The following TNFSF8 variants were observed in gnomAD, a reference collection of about 807,000 sequenced individuals.
The protein encoded by TNFSF8 is TNF superfamily member 8.
In TNFSF8, 4 loss-of-function variants were observed where a neutral mutation model predicts 22.0. That is an observed-to-expected ratio of 0.18 (90% confidence interval 0.09 to 0.42). The LOEUF is 0.42. TNFSF8 is among the 10% of genes least tolerant of loss of function. The probability of loss-of-function intolerance (pLI) is 1.00; values close to 1 mark genes in which losing one functional copy is unlikely to be tolerated. For synonymous variants in TNFSF8, 106 were observed against 112.5 expected, an observed-to-expected ratio of 0.94 and a Z score of 0.37; for missense variants, 233 against 281.8, an observed-to-expected ratio of 0.83 and a Z score of 1.24.
chr9:114,919,138 C>T (rs1827957181), intron 1 of TNFSF8, among the ~76,000 whole-genome samples: 1 of 151,890 alleles, frequency 6.6e-6, no homozygotes, highest in Admixed American at 6.6e-5. Context: ...GTTTATATGC[C>T]AAGCATTGTG....
Position 114,930,297 on chromosome 9 carries a change from G to T in TNFSF8, c.7C>A (p.Pro3Thr). 1 of 1,569,616 alleles carries T rather than the reference G, an allele frequency of 6.4e-7. No homozygotes were observed. Residue 3 changes from proline to threonine, a missense_variant, in exon 1 of 4, where the codon CCA becomes ACA. Pro to Thr is a conservative substitution (Grantham distance 38, BLOSUM62 -1). Transcript: ENST00000223795. ...CCGTTGAGTGCTTGCTGCAGCCCTG[G>T]GTCCATTCTTTATATAGTCTTCCCC... MD[P>T]GLQQALNGMA...
intron 1 of TNFSF8, among the ~76,000 whole-genome samples, chr9:114,923,523 T>TTTCTTTCTTTCTTTCTTTC (rs1491120828): frequency 3.2e-5 from 1 of 31,518 alleles, no homozygotes. Context: ...TCTTTCTTTC[T>TTTCTTTCTTTCTTTCTTTC]TTTTTTTTTT....
At position 114,925,150 on chromosome 9, in the gene TNFSF8, G is replaced by A. The variant is rs541419795; in HGVS notation, c.195+4959C>T. On this transcript the variant is annotated intron_variant, in intron 1 of 3. Transcript: ENST00000223795. ...ATACAGGGGAGAGAGTCCAGTGGCA[G>A]TGAGCTGAACAGGAAAACTGCTTTA... Among the ~76,000 whole-genome samples the A allele has an allele frequency of 7.2e-5, 11 of 152,310 alleles. No homozygotes were observed. The South Asian group carries it at 2.3e-3, about 32-fold the overall frequency.
chr9:114,905,137 G>A (rs1827768839), intron 3 of TNFSF8, among the ~76,000 whole-genome samples: 1 of 152,224 alleles, frequency 6.6e-6, no homozygotes, highest in East Asian at 1.9e-4. Flanking sequence ...TGGCATGCTA[G>A]TTTTAATTGC....
downstream of TNFSF8, among the ~76,000 whole-genome samples, chr9:114,900,697 A>G (rs767792150): frequency 2.0e-5 from 3 of 152,140 alleles, no homozygotes; most frequent in South Asian, 6.2e-4. Context: ...GAAAAGGGTT[A>G]GAGGCCAGGT....
At chr9:114,905,648 G>T (rs1030593545) in intron 3 of TNFSF8, among the ~76,000 whole-genome samples, 180 bp downstream of exon 3, 6 of 152,144 alleles carry the variant, frequency 3.9e-5, no homozygotes, top group African/African-American at 1.4e-4. Context: ...GGAGAATGAC[G>T]CTCTCCCCGC....
chr9:114,928,346 C>T (rs576165652), intron 1 of TNFSF8, among the ~76,000 whole-genome samples: 13 of 152,276 alleles, frequency 8.5e-5, no homozygotes, highest in African/African-American at 1.4e-4. Flanking sequence ...CTCAGGGTGA[C>T]GTAGTTCAAG....
downstream of TNFSF8, among the ~76,000 whole-genome samples, chr9:114,899,691 C>T (rs1827695955): frequency 1.3e-5 from 2 of 152,102 alleles, no homozygotes; most frequent in South Asian, 4.1e-4. Flanking sequence ...GTAGCACATA[C>T]CATGTTGGAT....
intron 2 of TNFSF8, among the ~76,000 whole-genome samples, chr9:114,908,726 T>C (rs978190550): frequency 5.9e-5 from 9 of 152,146 alleles, no homozygotes; most frequent in African/African-American, 1.9e-4. Context: ...TCTTTAAAAA[T>C]CATTTAGATG....
chr9:114,898,156 C>A (rs969958989), downstream of TNFSF8, among the ~76,000 whole-genome samples: 10 of 133,514 alleles, frequency 7.5e-5, no homozygotes, highest in African/African-American at 3.1e-4. Flanking sequence ...GCGCACACCA[C>A]CATGCCCAGC....
chr9:114,929,773 A>G (rs976628094), intron 1 of TNFSF8, among the ~76,000 whole-genome samples: 3 of 151,834 alleles, frequency 2.0e-5, no homozygotes, highest in Non-Finnish European at 2.9e-5. Flanking sequence ...TGTTTTGCTC[A>G]GACAGATCTG....
At chr9:114,925,422 C>T (rs190974472) in intron 1 of TNFSF8, among the ~76,000 whole-genome samples, 4 of 152,262 alleles carry the variant, frequency 2.6e-5, no homozygotes, top group Admixed American at 6.5e-5. Context: ...AGATGTTCCT[C>T]ACAGACAAGG....
chr9:114,894,290 G>C, intron 4 of TNFSF8: 4 of 766,662 alleles, frequency 5.2e-6, no homozygotes, highest in Non-Finnish European at 8.6e-6. Flanking sequence ...CTGTCATAGT[G>C]AGTGTAGTAA....
intron 2 of TNFSF8, among the ~76,000 whole-genome samples, chr9:114,909,477 G>A (rs887569405): frequency 1.3e-5 from 2 of 152,196 alleles, no homozygotes; most frequent in African/African-American, 4.8e-5. Context: ...GGGCTCTAGT[G>A]TCCCTATTAG....
chr9:114,927,441 C>G (rs901251478), intron 1 of TNFSF8, among the ~76,000 whole-genome samples: 1 of 152,204 alleles, frequency 6.6e-6, no homozygotes, highest in Non-Finnish European at 1.5e-5. Context: ...TCTGTCTTCT[C>G]TCCTCTGTCT....
At position 114,916,215 on chromosome 9, in the gene TNFSF8, T is replaced by C. The variant is rs897502760; in HGVS notation, c.238+1881A>G. Among the ~76,000 whole-genome samples, 5 of 152,216 alleles carry C rather than the reference T, an allele frequency of 3.3e-5. No homozygotes were observed. The South Asian group carries it at 8.3e-4, about 25-fold the overall frequency. Reference sequence around the variant, plus strand: ...TGACACACAAAAATGAAGGACCGTCTCAGAGGAAGAGTGCCTCTTACATTA... The same window carrying C: ...TGACACACAAAAATGAAGGACCGTCCCAGAGGAAGAGTGCCTCTTACATTA... On this transcript the variant is annotated intron_variant, in intron 2 of 3. Transcript: ENST00000223795.
Position 114,901,600 on chromosome 9 carries a change from AT to A in TNFSF8, c.*2330del. 1 of 985,266 alleles carries A rather than the reference AT, an allele frequency of 1.0e-6. No homozygotes were observed. Among genetic ancestry groups the A allele is most frequent in the Non-Finnish European group, 1.2e-6 (1 of 829,796 alleles). 61.0% of individuals were successfully genotyped at this position (985,266 alleles called of 1,614,324 possible). On this transcript the variant is annotated 3_prime_UTR_variant, in exon 4 of 4. Transcript: ENST00000223795. ...GCATGAGTTGGTTTAAGCAAGATTC[AT>A]TTGTCCTATGCAGTTAGTGTGTGAC... is the stretch of plus-strand genomic sequence containing the variant.
intron 2 of TNFSF8, among the ~76,000 whole-genome samples, chr9:114,906,405 C>G (rs1231603681): frequency 1.3e-5 from 2 of 152,210 alleles, no homozygotes; most frequent in South Asian, 2.1e-4. Context: ...AGTCTGGGTA[C>G]TTTTACAGCT....
intron 1 of TNFSF8, among the ~76,000 whole-genome samples, chr9:114,923,109 A>C (rs575784026): frequency 6.6e-6 from 1 of 152,056 alleles, no homozygotes; most frequent in African/African-American, 2.4e-5. Flanking sequence ...TCTTCTATCA[A>C]ATCTTTTTAT....
Sources: allele counts gnomAD v4.1 joint callset (sites outside exome capture counted in the v4.1 genomes callset), GRCh38; gene constraint gnomAD v4.1.1; transcripts MANE v1.5; gene names NCBI Gene and HGNC (gene_info 2026-07-23, HGNC 2026-07-21).